CYTH1: variants seen among roughly 807,000 people sequenced by gnomAD.
CYTH1 encodes cytohesin 1, also known as cytohesin-1.
Under a neutral mutation model 61.8 loss-of-function variants are expected in CYTH1, and 18 were observed. The ratio of observed to expected loss-of-function variants is 0.29; its 90% CI spans 0.20 to 0.43. The LOEUF is 0.43. Ranked by LOEUF, CYTH1 falls within the 20% of genes least tolerant of loss-of-function variation. CYTH1 has a pLI of 1.00. For missense variants in CYTH1, 336 were observed against 510.5 expected, an observed-to-expected ratio of 0.66 and a Z score of 3.29; for synonymous variants, 174 against 184.3, an observed-to-expected ratio of 0.94 and a Z score of 0.45.
intron 11 of CYTH1, 21 bp downstream of exon 11, chr17:78,692,396 G>A (rs973343714): frequency 1.9e-6 from 3 of 1,612,500 alleles, no homozygotes; most frequent in African/African-American, 2.7e-5. Context: ...CTAGTCTGGA[G>A]GCCGACTAGC....
intron 1 of CYTH1, among the ~76,000 whole-genome samples, chr17:78,749,807 C>T (rs2093372883): frequency 6.6e-6 from 1 of 151,886 alleles, no homozygotes; most frequent in Non-Finnish European, 1.5e-5. Context: ...CAAGCTTTTA[C>T]TTAATACATT....
chr17:78,716,170 T>C lies in CYTH1; in HGVS notation c.23-6438A>G, dbSNP rs562979124. On this transcript the variant is annotated intron_variant, in intron 1 of 13. Coordinates refer to ENST00000446868, the MANE Select transcript of CYTH1 (RefSeq NM_004762.6). ...AGAAGGCAGGAGATAACCTTTGATC[T>C]TGACAAAATAATCACCAATTTAAGA... 2.6e-5 allele frequency among the ~76,000 whole-genome samples: 4 copies of C among 152,302 alleles called. No homozygotes were observed. In the East Asian group the frequency reaches 7.7e-4, roughly 29 times the overall value.
rs1468441522 is a variant in CYTH1 at position 78,756,939 on chromosome 17, G to GACTAATAAAAAAATTAGACTAAATAAAA, written c.22+25262_22+25263insTTTTATTTAGTCTAATTTTTTTATTAGT. ...ATAAACATGGCAAAAATTAGACTAAGATTATTCACAAGGCGGAATTTCAAG... is the reference window on the plus strand; with the variant it reads ...ATAAACATGGCAAAAATTAGACTAAGACTAATAAAAAAATTAGACTAAATAAAAATTATTCACAAGGCGGAATTTCAAG... On this transcript the variant is annotated intron_variant, in intron 1 of 13. Coordinates refer to ENST00000446868, the MANE Select transcript of CYTH1 (RefSeq NM_004762.6). Among the ~76,000 whole-genome samples the GACTAATAAAAAAATTAGACTAAATAAAA allele has an allele frequency of 1.8e-3, 267 of 150,260 alleles. 1 individual carries two copies. Among genetic ancestry groups the GACTAATAAAAAAATTAGACTAAATAAAA allele is most frequent in the African/African-American group, 5.9e-3 (241 of 41,050 alleles).
chr17:78,734,893 A>G lies in CYTH1; in HGVS notation c.23-25161T>C, dbSNP rs190853883. 5.3e-5 allele frequency among the ~76,000 whole-genome samples: 8 copies of G among 152,250 alleles called. No homozygotes were observed. In the East Asian group the frequency reaches 1.5e-3, roughly 29 times the overall value. ...GTCTAGTTAAAAGCAGCTCTATGGA[A>G]AGCATAACTGACTCTTAACTTCTGC... On this transcript the variant is annotated intron_variant, in intron 1 of 13. Coordinates refer to ENST00000446868, the MANE Select transcript of CYTH1 (RefSeq NM_004762.6).
Position 78,696,040 on chromosome 17 carries a change from A to C in CYTH1, c.812-31T>G, listed in dbSNP as rs201481730. The C allele has an allele frequency of 3.0e-4, 416 of 1,367,754 alleles. 1 individual carries two copies. Among genetic ancestry groups the C allele is most frequent in the Middle Eastern group, 2.1e-4 (1 of 4,790 alleles). 84.7% of individuals were successfully genotyped at this position (1,367,754 alleles called of 1,614,324 possible). A position where few individuals can be genotyped will look rare whatever the true frequency, so the allele number is the denominator to read the frequency against. ...GTTTGGGGCAAGGAAAAGGAGAGCC[A>C]AAATCATGGAAACATACAAATGAGG... On this transcript the variant is annotated intron_variant, in intron 9 of 13. Coordinates refer to ENST00000446868, the MANE Select transcript of CYTH1 (RefSeq NM_004762.6).
intron 1 of CYTH1, chr17:78,727,796 G>A (rs1313044304): frequency 3.5e-5 from 16 of 455,608 alleles, no homozygotes; most frequent in Middle Eastern, 6.7e-4. Flanking sequence ...CTCTTGGACC[G>A]TCCCCTATCT....
chr17:78,708,274 C>T lies in CYTH1; in HGVS notation c.106-13G>A, dbSNP rs771384108. Reference sequence around the variant, plus strand: ...CATCCTTCAGCCTCTATAAAACAGACAGTCCAGAGTCAGCAGGAAAGGCAG... The same window carrying T: ...CATCCTTCAGCCTCTATAAAACAGATAGTCCAGAGTCAGCAGGAAAGGCAG... On this transcript the variant is annotated splice_polypyrimidine_tract_variant and intron_variant, in intron 2 of 13. Coordinates refer to ENST00000446868, the MANE Select transcript of CYTH1 (RefSeq NM_004762.6). 1 of 1,610,328 alleles carries T rather than the reference C, an allele frequency of 6.2e-7. No individual in the cohort carries two copies. The highest frequency in any genetic ancestry group is 1.3e-5 in the African/African-American group (1 of 74,632).
chr17:78,674,708 G>A lies in CYTH1; in HGVS notation c.*1383C>T, dbSNP rs962994957. 3.9e-5 allele frequency: 6 copies of A among 152,578 alleles called. No individual in the cohort carries two copies. Among genetic ancestry groups the A allele is most frequent in the African/African-American group, 1.2e-4 (5 of 41,596 alleles). The allele number at this position is 152,578 out of a possible 1,614,324, so 9.5% of individuals were successfully genotyped here. On this transcript the variant is annotated 3_prime_UTR_variant, in exon 14 of 14. Transcript: ENST00000446868. ...CCGCCCTGGTCCAGGGTCCTGTGGA[G>A]GGGCGGGGCGAGACGGCCAGACAGC... is the stretch of plus-strand genomic sequence containing the variant.
At chr17:78,679,985 G>C (rs570222328) in intron 13 of CYTH1, among the ~76,000 whole-genome samples, 1 of 152,312 alleles carries the variant, frequency 6.6e-6, no homozygotes, top group East Asian at 1.9e-4. Flanking sequence ...AACCCAGATG[G>C]GACGTGCTCT....
chr17:78,680,854 A>C, intron 12 of CYTH1, 117 bp downstream of exon 12: 2 of 982,154 alleles, frequency 2.0e-6, no homozygotes, highest in South Asian at 2.8e-5. Flanking sequence ...ATAAAAAATT[A>C]GACTAAATAA....
intron 1 of CYTH1, among the ~76,000 whole-genome samples, chr17:78,752,020 G>A (rs1049270628): frequency 6.6e-6 from 1 of 152,214 alleles, no homozygotes; most frequent in African/African-American, 2.4e-5. Context: ...ACAGGCGTGA[G>A]CCACCGCGCC....
chr17:78,748,027 A>C (rs1451155764), intron 1 of CYTH1, among the ~76,000 whole-genome samples: 3 of 152,204 alleles, frequency 2.0e-5, no homozygotes, highest in Non-Finnish European at 4.4e-5. Context: ...ATTCAAAAAA[A>C]CAAAATAAAA....
At chr17:78,732,717 T>C (rs1440008960) in intron 1 of CYTH1, among the ~76,000 whole-genome samples, 1 of 152,142 alleles carries the variant, frequency 6.6e-6, no homozygotes, top group East Asian at 1.9e-4. Context: ...TTACAGCACC[T>C]CAGGTCTTCC....
Position 78,704,494 on chromosome 17 carries a change from TAA to T in CYTH1, c.171-1892_171-1891del, listed in dbSNP as rs760370478. ...ATCCATGGAGGGAAGAAAATATTCC[TAA>T]GTGTTTTGAGGGTTGGTGTTTTTTG... On this transcript the variant is annotated intron_variant, in intron 3 of 13. Coordinates refer to ENST00000446868, the MANE Select transcript of CYTH1 (RefSeq NM_004762.6). 7.2e-5 allele frequency among the ~76,000 whole-genome samples: 11 copies of T among 152,294 alleles called. 4 individuals are homozygous for T. Among genetic ancestry groups the T allele is most frequent in the East Asian group, 1.9e-4 (1 of 5,184 alleles).
rs759630905 is a variant in CYTH1 at position 78,708,186 on chromosome 17, G to A, written c.170+11C>T. ...AACCACAGAAGCCACCTGGCAGCAG[G>A]GCAGACTCACCTTTCCTCTGTGGAT... On this transcript the variant is annotated intron_variant, in intron 3 of 13. Transcript: ENST00000446868. The A allele has an allele frequency of 2.5e-6, 4 of 1,613,786 alleles. No homozygotes were observed. The highest frequency in any genetic ancestry group is 3.4e-6 in the Non-Finnish European group (4 of 1,179,920).
At chr17:78,676,381 CAAG>C (rs771347256) in intron 13 of CYTH1, 6 of 565,418 alleles carry the variant, frequency 1.1e-5, no homozygotes, top group Non-Finnish European at 1.6e-5. Context: ...GAACACGTGA[CAAG>C]AAAATTTTGG....
chr17:78,757,947 G>A (rs1010505412), intron 1 of CYTH1, among the ~76,000 whole-genome samples: 3 of 151,972 alleles, frequency 2.0e-5, no homozygotes, highest in African/African-American at 7.2e-5. Context: ...TAAAAAAATA[G>A]TAATTCAATG....
chr17:78,731,752 T>A (rs2093295531), intron 1 of CYTH1, among the ~76,000 whole-genome samples: 3 of 112,592 alleles, frequency 2.7e-5, no homozygotes, highest in East Asian at 2.4e-4. Context: ...CGAGACTCCG[T>A]CTCAAAAAAA....
At position 78,692,583 on chromosome 17, in the gene CYTH1, AG is replaced by A. The variant is rs1598833305; in HGVS notation, c.815-91del. The A allele has an allele frequency of 3.0e-5, 38 of 1,279,270 alleles. No individual in the cohort carries two copies. In the South Asian group the frequency reaches 3.7e-4, roughly 13 times the overall value. 79.2% of individuals were successfully genotyped at this position (1,279,270 alleles called of 1,614,324 possible). On this transcript the variant is annotated intron_variant, in intron 10 of 13. Transcript: ENST00000446868. ...CACACGACACCCTCTCTTCTCAGAG[AG>A]GGTTGGGGGAGAGGCATCAGGAGAA...
Sources: allele counts gnomAD v4.1 joint callset (sites outside exome capture counted in the v4.1 genomes callset), GRCh38; gene constraint gnomAD v4.1.1; transcripts MANE v1.5; gene names NCBI Gene and HGNC (gene_info 2026-07-23, HGNC 2026-07-21).